ALDH1L2: variants seen among roughly 807,000 people sequenced by gnomAD.
ALDH1L2 encodes mitochondrial 10-formyltetrahydrofolate dehydrogenase.
A neutral mutation model predicts 111.0 loss-of-function variants in ALDH1L2; 91 were observed. The observed-to-expected ratio is 0.82, with a 90% CI of 0.69 to 0.98. ALDH1L2 has a LOEUF of 0.98. ALDH1L2 is among the 50% of genes least tolerant of loss of function. The pLI, the probability that ALDH1L2 is intolerant of heterozygous loss-of-function variation, is 0.00. For missense variants in ALDH1L2, 995 were observed against 1,126.8 expected (o/e 0.88, Z 1.67); for synonymous variants, 374 against 392.6 (o/e 0.95, Z 0.56).
At chr12:105,044,914 T>A (rs1023262453) in intron 15 of ALDH1L2, among the ~76,000 whole-genome samples, 6 of 152,020 alleles carry the variant, frequency 3.9e-5, no homozygotes, top group Admixed American at 2.6e-4. Flanking sequence ...GTATATAGAA[T>A]GCTACTTTTT....
intron 7 of ALDH1L2, among the ~76,000 whole-genome samples, chr12:105,062,299 CAGTA>C (rs1427045899): frequency 6.6e-6 from 1 of 151,944 alleles, no homozygotes; most frequent in African/African-American, 2.4e-5. Flanking sequence ...GCCACACAGA[CAGTA>C]AGTAAAAGAG....
At chr12:105,041,241 G>A (rs1303905895) in intron 15 of ALDH1L2, among the ~76,000 whole-genome samples, 1 of 152,136 alleles carries the variant, frequency 6.6e-6, no homozygotes, top group African/African-American at 2.4e-5. Flanking sequence ...AGTAATCTAG[G>A]AGAATTTCTC....
At chr12:105,071,924 C>A (rs1388192191) in intron 2 of ALDH1L2, among the ~76,000 whole-genome samples, 1 of 149,354 alleles carries the variant, frequency 6.7e-6, no homozygotes, top group African/African-American at 2.4e-5. Context: ...TCCATCTCTA[C>A]CAAAAAAACA....
Position 105,052,822 on chromosome 12 carries a change from G to A in ALDH1L2, c.1397C>T (p.Thr466Ile), listed in dbSNP as rs577555046. The A allele has an allele frequency of 1.2e-6, 2 of 1,614,158 alleles. No individual in the cohort carries two copies. Among genetic ancestry groups the A allele is most frequent in the South Asian group, 2.2e-5 (2 of 91,086 alleles). The change falls in exon 11 of 23, where the codon ACA (threonine) becomes ATA (isoleucine). Residue 466 changes from threonine (T) to isoleucine (I), a missense_variant. Physicochemically the swap from Thr to Ile is moderately conservative, Grantham distance 89. Transcript: ENST00000258494. ...TAAAGAATTACTCACAGATCCATCT[G>A]TTGGGTTGATAGTGTCGTAAGTCTT... ...DGKTYDTINP[T>I]DGSTICKVSY...
intron 10 of ALDH1L2, 21 bp downstream of exon 10, chr12:105,058,052 C>T (rs1284833377): frequency 6.2e-7 from 1 of 1,605,902 alleles, no homozygotes; most frequent in Non-Finnish European, 8.5e-7. Flanking sequence ...TTTAGGGTTG[C>T]AACATCAAGG....
chr12:105,051,395 A>G (rs1592784575), intron 12 of ALDH1L2, among the ~76,000 whole-genome samples: 1 of 152,148 alleles, frequency 6.6e-6, no homozygotes, highest in Non-Finnish European at 1.5e-5. Flanking sequence ...AGAAGCTGCC[A>G]TGTCCCTCCA....
intron 1 of ALDH1L2, among the ~76,000 whole-genome samples, chr12:105,077,973 C>T (rs976563234): frequency 2.0e-5 from 3 of 152,194 alleles, no homozygotes; most frequent in African/African-American, 7.2e-5. Context: ...GTGCCTAACA[C>T]TTCATGGAGC....
chr12:105,077,274 CTTTTTTT>C (rs201979000), intron 1 of ALDH1L2, among the ~76,000 whole-genome samples: 1 of 142,526 alleles, frequency 7.0e-6, no homozygotes, highest in African/African-American at 2.6e-5. Context: ...TTTCTTTTTT[CTTTTTTT>C]TTTTTTTGAG....
chr12:105,052,360 G>T, intron 11 of ALDH1L2, 143 bp from the exon 12 acceptor site: 2 of 834,834 alleles, frequency 2.4e-6, no homozygotes, highest in Non-Finnish European at 3.4e-6. Context: ...TAGTACTACA[G>T]TAAAGAAAAA....
chr12:105,065,171 A>C, intron 6 of ALDH1L2, 96 bp downstream of exon 6: 1 of 767,360 alleles, frequency 1.3e-6, no homozygotes, highest in Non-Finnish European at 2.1e-6. Context: ...CCTCATGACC[A>C]AGGAAGAACC....
rs1035998020 is a variant in ALDH1L2, at chr12:105,073,945, C to A, written c.109G>T (p.Val37Phe). Residue 37 changes from valine (V) to phenylalanine (F), a missense_variant, in exon 2 of 23, where the codon GTC becomes TTC. Val to Phe is a conservative substitution (Grantham distance 50). Coordinates refer to ENST00000258494, the MANE Select transcript of ALDH1L2 (RefSeq NM_001034173.4). ...LIGQSLFGQE[V>F]YSHLRKEGHR... is the part of the protein sequence containing the mutation. ...CCCTCTTTGCGGAGGTGGCTATAGA[C>A]TTCTTGTCCAAAGAGGCTCTGGCCA... 22 of 1,614,186 alleles carry A rather than the reference C, an allele frequency of 1.4e-5. No individual in the cohort carries two copies. Among genetic ancestry groups the A allele is most frequent in the Non-Finnish European group, 1.8e-5 (21 of 1,180,034 alleles).
intron 19 of ALDH1L2, 138 bp from the exon 20 acceptor site, chr12:105,032,072 T>TC: frequency 2.4e-6 from 2 of 835,004 alleles, no homozygotes; most frequent in Non-Finnish European, 3.4e-6. Flanking sequence ...GGTAGGTGGT[T>TC]GGTTTTTTTT....
In ALDH1L2 at chr12:105,034,354, A is replaced by C; in HGVS notation, c.2190T>G (p.Ala730=). 6.2e-7 allele frequency: 1 copy of C among 1,613,556 alleles called. No homozygotes were observed. Among genetic ancestry groups the C allele is most frequent in the Non-Finnish European group, 8.5e-7 (1 of 1,179,866 alleles). The part of the protein sequence containing the change: ...VFFNKGENCI[A]AGRLFVEESI... ...ATTCTTCCACGAACAACCGCCCAGC[A>C]GCAATACAGTTCTCTCCTTTGTTGA... is the stretch of plus-strand genomic sequence containing the variant. The change falls in exon 19 of 23, where the codon GCT becomes GCG. Residue 730 remains alanine, a synonymous_variant. Coordinates refer to ENST00000258494, the MANE Select transcript of ALDH1L2 (RefSeq NM_001034173.4).
intron 20 of ALDH1L2, among the ~76,000 whole-genome samples, chr12:105,031,396 A>G (rs1310396049): frequency 2.6e-5 from 4 of 152,220 alleles, no homozygotes; most frequent in Non-Finnish European, 5.9e-5. Context: ...TTTGGCAGGA[A>G]CACTTCATAG....
At chr12:105,062,029 A>T (rs1349487461) in intron 7 of ALDH1L2, among the ~76,000 whole-genome samples, 3 of 152,202 alleles carry the variant, frequency 2.0e-5, no homozygotes, top group Non-Finnish European at 4.4e-5. Flanking sequence ...TTGAATTAGA[A>T]TCTATTATGA....
At chr12:105,081,702 C>G (rs1878342986) in intron 1 of ALDH1L2, among the ~76,000 whole-genome samples, 1 of 152,184 alleles carries the variant, frequency 6.6e-6, no homozygotes, top group Admixed American at 6.5e-5. Context: ...CCAGCCATCA[C>G]TAAGCTGAAA....
In ALDH1L2 at chr12:105,054,046, T is replaced by C. The variant is rs569607750; in HGVS notation, c.1288-1115A>G. On this transcript the variant is annotated intron_variant, in intron 10 of 22. Coordinates refer to ENST00000258494, the MANE Select transcript of ALDH1L2 (RefSeq NM_001034173.4). ...AGAATCAAATTATATACTCTATAAATAGGGTAAAAATAATGGAGGAAATAA... is the reference window on the plus strand; with the variant it reads ...AGAATCAAATTATATACTCTATAAACAGGGTAAAAATAATGGAGGAAATAA... Among the ~76,000 whole-genome samples, 12 of 151,968 alleles carry C rather than the reference T, an allele frequency of 7.9e-5. No individual in the cohort carries two copies. The East Asian group carries it at 2.1e-3, about 27-fold the overall frequency.
chr12:105,046,584 C>T, intron 15 of ALDH1L2, 126 bp downstream of exon 15: 2 of 764,996 alleles, frequency 2.6e-6, no homozygotes, highest in Non-Finnish European at 4.2e-6. Flanking sequence ...AAAAGTTGTC[C>T]ATGATATATG....
chr12:105,066,734 A>G lies in ALDH1L2; in HGVS notation c.595-65T>C, dbSNP rs1407700145. ...CAACAATGGCATGGTCTATTTGACT[A>G]AAGTTTCTGCATAACAGAATTACTA... On this transcript the variant is annotated intron_variant, in intron 4 of 22. Transcript: ENST00000258494. The G allele has an allele frequency of 2.2e-6, 3 of 1,380,636 alleles. No homozygotes were observed. In the African/African-American group the frequency reaches 4.3e-5, roughly 20 times the overall value. The allele number at this position is 1,380,636 out of a possible 1,614,324, so 85.5% of individuals were successfully genotyped here. A position where few individuals can be genotyped will look rare whatever the true frequency, so the allele number is the denominator to read the frequency against.
Sources: allele counts gnomAD v4.1 joint callset (sites outside exome capture counted in the v4.1 genomes callset), GRCh38; gene constraint gnomAD v4.1.1; transcripts MANE v1.5; gene names NCBI Gene and HGNC (gene_info 2026-07-23, HGNC 2026-07-21).